ABCC12: variants seen among roughly 807,000 people sequenced by gnomAD.
The protein encoded by ABCC12 is ATP binding cassette subfamily C member 12, also known as ATP-binding cassette sub-family C member 12.
In ABCC12, 142 loss-of-function variants were observed where a neutral mutation model predicts 151.1. The observed-to-expected ratio is 0.94, with a 90% CI of 0.82 to 1.08. The LOEUF (loss-of-function observed/expected upper bound fraction) is 1.08. ABCC12 is among the 50% of genes least tolerant of loss of function. The pLI, the probability that ABCC12 is intolerant of heterozygous loss-of-function variation, is 0.00. For synonymous variants in ABCC12, 645 were observed against 646.4 expected, an observed-to-expected ratio of 1.00 and a Z score of 0.03; for missense variants, 1,638 against 1,691.1, an observed-to-expected ratio of 0.97 and a Z score of 0.55.
Position 48,085,610 on chromosome 16 carries a change from G to C in ABCC12, c.3811C>G (p.Leu1271Val), listed in dbSNP as rs1470760649. 2 of 1,614,058 alleles carry C rather than the reference G, an allele frequency of 1.2e-6. No individual in the cohort carries two copies. The highest frequency in any genetic ancestry group is 1.6e-4 in the Middle Eastern group (1 of 6,062). ...TTTCTTACCTTTGAATTACGGAGAAGAGCTCGGGCCACACAAAGCAGCTGA... is the reference window on the plus strand; with the variant it reads ...TTTCTTACCTTTGAATTACGGAGAACAGCTCGGGCCACACAAAGCAGCTGA... ...ERQLLCVARA[L>V]LRNSKIILLD... Residue 1271 changes from leucine (L) to valine (V), a missense_variant, in exon 29 of 31, where the codon CTT becomes GTT. Physicochemically the swap from Leu to Val is conservative, Grantham distance 32. Transcript: ENST00000311303.
intron 4 of ABCC12, 81 bp from the exon 5 acceptor site, chr16:48,141,434 CA>C: frequency 6.4e-7 from 1 of 1,558,706 alleles, no homozygotes; most frequent in Admixed American, 1.7e-5. Context: ...CATGCTCTTG[CA>C]AGGGTGCTCG....
intron 5 of ABCC12, 74 bp downstream of exon 5, chr16:48,141,132 A>G: frequency 1.3e-6 from 2 of 1,574,472 alleles, no homozygotes; most frequent in Non-Finnish European, 1.7e-6. Flanking sequence ...ACCAGCTCGT[A>G]GAGAAAGTAA....
chr16:48,145,297 G>GCCT (rs1202520914), intron 3 of ABCC12, among the ~76,000 whole-genome samples: 1 of 152,126 alleles, frequency 6.6e-6, no homozygotes, highest in Non-Finnish European at 1.5e-5. Context: ...AAACCACAGG[G>GCCT]CCTCGTTCCA....
chr16:48,093,322 G>A (rs1268034932), intron 24 of ABCC12, among the ~76,000 whole-genome samples: 2 of 152,104 alleles, frequency 1.3e-5, no homozygotes, highest in Non-Finnish European at 2.9e-5. Context: ...AGCCATGTGG[G>A]CTTCTCAGAT....
chr16:48,124,251 T>C lies in ABCC12; in HGVS notation c.1549A>G (p.Ser517Gly). The change falls in exon 12 of 31, where the codon AGT becomes GGT. Residue 517 changes from serine (S) to glycine (G), a missense_variant. Transcript: ENST00000311303. ...GCTGCAAGGAGGGAGCTCTTTCCAC[T>C]TCCCACATTCCCACATATTCCCAAG... ...KILGICGNVG[S>G]GKSSLLAALL... 1.9e-6 allele frequency: 3 copies of C among 1,614,240 alleles called. No individual in the cohort carries two copies. The highest frequency in any genetic ancestry group is 1.3e-5 in the African/African-American group (1 of 75,068).
At chr16:48,145,445 G>GA (rs1424357146) in intron 3 of ABCC12, among the ~76,000 whole-genome samples, 2 of 152,166 alleles carry the variant, frequency 1.3e-5, no homozygotes, top group Non-Finnish European at 2.9e-5. Context: ...TTTCAAAAAT[G>GA]ACCCCGTTTT....
At chr16:48,084,960 G>C (rs554654977) in intron 29 of ABCC12, among the ~76,000 whole-genome samples, 32 of 151,970 alleles carry the variant, frequency 2.1e-4, no homozygotes, top group Non-Finnish European at 4.4e-4. Context: ...AGGTGAAAGG[G>C]GGCTATGCCT....
chr16:48,150,291 T>C (rs1029743017), intron 2 of ABCC12, among the ~76,000 whole-genome samples: 5 of 152,214 alleles, frequency 3.3e-5, no homozygotes, highest in South Asian at 2.1e-4. Flanking sequence ...AAAAATATTT[T>C]TGTGGCCCCT....
At chr16:48,113,396 C>T (rs576312935) in intron 15 of ABCC12, among the ~76,000 whole-genome samples, 3 of 152,326 alleles carry the variant, frequency 2.0e-5, no homozygotes, top group East Asian at 1.9e-4. Flanking sequence ...CAGGAGCTCC[C>T]GGGGAAGCCC....
chr16:48,102,949 C>A (rs1469942275), intron 22 of ABCC12, among the ~76,000 whole-genome samples: 1 of 152,152 alleles, frequency 6.6e-6, no homozygotes, highest in East Asian at 1.9e-4. Flanking sequence ...CTTCTGTTCC[C>A]ACTGCTGCTG....
chr16:48,101,669 G>A (rs1281632674), intron 22 of ABCC12, among the ~76,000 whole-genome samples: 2 of 151,946 alleles, frequency 1.3e-5, no homozygotes, highest in Non-Finnish European at 2.9e-5. Context: ...TTAGTGCAGA[G>A]CTAAAGTGAG....
chr16:48,113,342 A>G (rs1484926489), intron 15 of ABCC12, among the ~76,000 whole-genome samples: 1 of 152,182 alleles, frequency 6.6e-6, no homozygotes, highest in Non-Finnish European at 1.5e-5. Context: ...CTGAGACACC[A>G]TAAGCCTGTT....
chr16:48,115,608 C>T lies in ABCC12; in HGVS notation c.1796G>A (p.Arg599Gln), dbSNP rs1216969755. Residue 599 changes from arginine to glutamine, a missense_variant, in exon 15 of 31, where the codon CGG (arginine) becomes CAG (glutamine). By Grantham distance (43) the Arg-to-Gln change is conservative. Coordinates refer to ENST00000311303, the MANE Select transcript of ABCC12 (RefSeq NM_001393797.1). ...CTGCCCCCCAGAGAGGTTGAGGCCC[C>T]GCTCCCCAATCTGTGGACAGGGACA... ...PYGDLTEIGE[R>Q]GLNLSGGQRQ... 8.7e-6 allele frequency: 14 copies of T among 1,613,312 alleles called. No homozygotes were observed. Among genetic ancestry groups the T allele is most frequent in the Admixed American group, 1.7e-5 (1 of 59,954 alleles).
chr16:48,114,110 T>A (rs1262894971), intron 15 of ABCC12, among the ~76,000 whole-genome samples: 1 of 152,124 alleles, frequency 6.6e-6, no homozygotes, highest in Non-Finnish European at 1.5e-5. Flanking sequence ...AACTAGGAGC[T>A]CTTGCCCACA....
intron 8 of ABCC12, among the ~76,000 whole-genome samples, chr16:48,136,624 C>G (rs1057077241): frequency 1.3e-5 from 2 of 152,102 alleles, no homozygotes; most frequent in African/African-American, 4.8e-5. Flanking sequence ...GTTGAGTGAT[C>G]TGAAAGAAAT....
At chr16:48,129,568 C>T (rs1337047204) in intron 10 of ABCC12, among the ~76,000 whole-genome samples, 1 of 152,148 alleles carries the variant, frequency 6.6e-6, no homozygotes, top group Non-Finnish European at 1.5e-5. Context: ...TGAGAACCCA[C>T]AGCTGGAGAG....
At chr16:48,135,864 C>T in intron 8 of ABCC12, among the ~76,000 whole-genome samples, 1 of 152,104 alleles carries the variant, frequency 6.6e-6, no homozygotes. Flanking sequence ...TTCAAGCCTC[C>T]TTCACCTCCT....
chr16:48,122,849 A>T (rs563799865), intron 12 of ABCC12, among the ~76,000 whole-genome samples: 1 of 152,360 alleles, frequency 6.6e-6, no homozygotes, highest in African/African-American at 2.4e-5. Flanking sequence ...ATAGCCAACT[A>T]TTGCTTACAT....
intron 2 of ABCC12, among the ~76,000 whole-genome samples, chr16:48,148,465 G>A (rs1965071162): frequency 6.6e-6 from 1 of 151,932 alleles, no homozygotes; most frequent in African/African-American, 2.4e-5. Flanking sequence ...TCAAACTCCT[G>A]GGCTCAAGCA....
Sources: gnomAD v4.1 joint callset for allele counts (sites outside exome capture counted in the v4.1 genomes callset) on GRCh38, gnomAD v4.1.1 for gene constraint, MANE v1.5 for transcripts, NCBI Gene and HGNC (gene_info 2026-07-23, HGNC 2026-07-21) for gene names.